TIAM2: variants seen among roughly 807,000 people sequenced by gnomAD.
The protein encoded by TIAM2 is TIAM Rac1 associated GEF 2, also known as rho guanine nucleotide exchange factor TIAM2.
In TIAM2, 80 loss-of-function variants were observed where a neutral mutation model predicts 152.9. The ratio of observed to expected loss-of-function variants is 0.52; its 90% confidence interval spans 0.44 to 0.63. TIAM2 has a LOEUF of 0.63. Ranked by LOEUF, TIAM2 falls within the 30% of genes least tolerant of loss-of-function variation. The pLI is 0.00. For synonymous variants in TIAM2, 804 were observed against 838.0 expected (o/e 0.96, Z 0.70); for missense variants, 1,965 against 2,120.1 (o/e 0.93, Z 1.44).
rs564345326 is a variant in TIAM2 at position 155,017,304 on chromosome 6, A to T, written c.-209+21812A>T. Among the ~76,000 whole-genome samples, 129 of 152,104 alleles carry T rather than the reference A, an allele frequency of 8.5e-4. No individual in the cohort carries two copies. The South Asian group carries it at 0.021, about 25-fold the overall frequency. ...GACGTGATTGTGGAAATGAGTGGGG[A>T]TAAATGGGTTGCAGCTGGTAGAGGG... On this transcript the variant is annotated intron_variant, in intron 1 of 26. Transcript: ENST00000682666.
intron 1 of TIAM2, among the ~76,000 whole-genome samples, chr6:155,041,512 G>C (rs971354871): frequency 6.6e-6 from 1 of 152,100 alleles, no homozygotes; most frequent in African/African-American, 2.4e-5. Flanking sequence ...AGTAAAACAA[G>C]GAAGAATTCT....
chr6:155,021,061 CTT>C (rs1304686121), intron 1 of TIAM2, among the ~76,000 whole-genome samples: 2 of 152,146 alleles, frequency 1.3e-5, no homozygotes, highest in African/African-American at 4.8e-5. Context: ...ATCAGAATGT[CTT>C]TCCCTTTTAA....
chr6:155,157,489 T>C lies in TIAM2; in HGVS notation c.2029-6926T>C, dbSNP rs76041477. 3.2e-3 allele frequency among the ~76,000 whole-genome samples: 491 copies of C among 152,102 alleles called. 20 individuals carry two copies. In the East Asian group the frequency reaches 0.082, roughly 25 times the overall value. On this transcript the variant is annotated intron_variant, in intron 7 of 26. Coordinates refer to ENST00000682666, the MANE Select transcript of TIAM2 (RefSeq NM_012454.4). ...TAGAATTAAAAATTTTTTTAAAAAATAGAGACGAGGTCTCGCTATGTTGCC... is the reference window on the plus strand; with the variant it reads ...TAGAATTAAAAATTTTTTTAAAAAACAGAGACGAGGTCTCGCTATGTTGCC...
chr6:155,188,182 G>T (rs374848656), intron 14 of TIAM2, among the ~76,000 whole-genome samples: 2 of 152,248 alleles, frequency 1.3e-5, no homozygotes, highest in East Asian at 3.9e-4. Flanking sequence ...GTCTTTCCTC[G>T]TGCGCTCAGA....
intron 1 of TIAM2, among the ~76,000 whole-genome samples, chr6:155,036,531 AAAG>A (rs2114899199): frequency 6.6e-6 from 1 of 151,680 alleles, no homozygotes; most frequent in Non-Finnish European, 1.5e-5. Context: ...AAAAAAAAAA[AAAG>A]AGTGTGTTGA....
At chr6:155,148,726 T>C (rs9480067) in intron 7 of TIAM2, among the ~76,000 whole-genome samples, 11,496 of 152,198 alleles carry the variant, frequency 0.076, 572 homozygotes, top group Non-Finnish European at 0.11. Context: ...GAAAACGTGG[T>C]TTGGTGTAAC....
At chr6:155,100,058 A>G (rs1405463990) in intron 2 of TIAM2, among the ~76,000 whole-genome samples, 1 of 152,210 alleles carries the variant, frequency 6.6e-6, no homozygotes, top group African/African-American at 2.4e-5. Context: ...GTCGTCGGCT[A>G]TTACACTGTG....
Position 155,129,630 on chromosome 6 carries a change from A to G in TIAM2, c.407A>G (p.His136Arg), listed in dbSNP as rs754087398. The G allele has an allele frequency of 1.3e-5, 21 of 1,613,946 alleles. No individual in the cohort carries two copies. In the South Asian group the frequency reaches 2.3e-4, roughly 18 times the overall value. Residue 136 changes from histidine (H) to arginine (R), a missense_variant, in exon 4 of 27, where the codon CAC (histidine) becomes CGC (arginine). His to Arg is a conservative substitution (Grantham distance 29). This residue lies in a region of TIAM2 where 1,025 missense variants were observed against 1,119.4 expected (regional missense o/e 0.92). Coordinates refer to ENST00000682666, the MANE Select transcript of TIAM2 (RefSeq NM_012454.4). This position sits in a 1 kb window ranked among gnomAD's most constrained non-coding sequence, Gnocchi z 4.8. ...NHITSRDCNGHLLNCYGRNES... is the reference protein window; with the variant it reads ...NHITSRDCNGRLLNCYGRNES... Reference sequence around the variant, plus strand: ...ATCACCTCCAGAGACTGCAACGGACACCTTCTCAACTGCTACGGGAGGAAT... The same window carrying G: ...ATCACCTCCAGAGACTGCAACGGACGCCTTCTCAACTGCTACGGGAGGAAT...
chr6:155,101,442 GTGA>G (rs1290909363), intron 2 of TIAM2, among the ~76,000 whole-genome samples: 9 of 152,192 alleles, frequency 5.9e-5, no homozygotes, highest in Admixed American at 3.9e-4. Flanking sequence ...ATTTACGTTT[GTGA>G]GGGATTATTT....
intron 1 of TIAM2, among the ~76,000 whole-genome samples, chr6:155,075,577 A>C (rs989352529): frequency 6.6e-6 from 1 of 152,222 alleles, no homozygotes; most frequent in African/African-American, 2.4e-5. Context: ...TCCTTATCTG[A>C]AATGCATGGG....
chr6:155,024,440 A>G (rs1401930672), intron 1 of TIAM2, among the ~76,000 whole-genome samples: 3 of 152,064 alleles, frequency 2.0e-5, no homozygotes, highest in African/African-American at 7.2e-5. Context: ...TGAGAGTGTC[A>G]TAAAAGCTGG....
intron 2 of TIAM2, among the ~76,000 whole-genome samples, chr6:155,098,274 C>T (rs1778464409): frequency 6.6e-6 from 1 of 152,050 alleles, no homozygotes. Context: ...GTAGTATTGC[C>T]ATTTTAACAA....
intron 9 of TIAM2, among the ~76,000 whole-genome samples, chr6:155,169,136 C>T (rs3763203): frequency 6.6e-6 from 1 of 152,178 alleles, no homozygotes; most frequent in African/African-American, 2.4e-5. Context: ...GCTGGGACTA[C>T]AGGCGCCCGC....
Position 155,256,584 on chromosome 6 carries a change from G to A in TIAM2, c.4569G>A (p.Leu1523=). The part of the protein sequence containing the change: ...GTLLDSDEGS[L]SSGTQSSGCP... ...TGCTGGACTCTGACGAGGGCAGCTT[G>A]AGCAGCGGCACCCAGAGCAGCGGCT... is the stretch of plus-strand genomic sequence containing the variant. The change falls in exon 27 of 27, where the codon TTG becomes TTA. Residue 1523 remains leucine (L), a synonymous_variant. Transcript: ENST00000682666. 6.2e-7 allele frequency: 1 copy of A among 1,614,052 alleles called. No homozygotes were observed. Among genetic ancestry groups the A allele is most frequent in the Non-Finnish European group, 8.5e-7 (1 of 1,179,938 alleles).
chr6:155,153,396 CA>C (rs1251536888), intron 7 of TIAM2, among the ~76,000 whole-genome samples: 1 of 151,698 alleles, frequency 6.6e-6, no homozygotes, highest in Non-Finnish European at 1.5e-5. Flanking sequence ...CATTTGAGGC[CA>C]GGAGCTCAAG....
chr6:155,176,721 C>A, intron 9 of TIAM2, 95 bp from the exon 10 acceptor site: 2 of 1,385,032 alleles, frequency 1.4e-6, no homozygotes, highest in Non-Finnish European at 2.0e-6. Context: ...AGCGTTTACT[C>A]TAAATACTCC....
At chr6:155,201,853 G>A (rs1225113990) in intron 14 of TIAM2, among the ~76,000 whole-genome samples, 4 of 152,270 alleles carry the variant, frequency 2.6e-5, no homozygotes, top group Non-Finnish European at 4.4e-5. Flanking sequence ...GTTTATTGCC[G>A]GTGTTAGCTT....
intron 15 of TIAM2, among the ~76,000 whole-genome samples, chr6:155,219,559 G>A (rs1255783939): frequency 6.6e-6 from 1 of 152,216 alleles, no homozygotes; most frequent in African/African-American, 2.4e-5. Flanking sequence ...TGTTTGAAAT[G>A]ACTGTGCTGT....
At chr6:155,087,134 A>G (rs1353922764) in intron 1 of TIAM2, among the ~76,000 whole-genome samples, 3 of 152,214 alleles carry the variant, frequency 2.0e-5, no homozygotes, top group African/African-American at 7.2e-5. Context: ...TTGAGGGGCA[A>G]TTAGGAGTTC....
Sources: allele counts gnomAD v4.1 joint callset (sites outside exome capture counted in the v4.1 genomes callset), GRCh38; gene constraint gnomAD v4.1.1; regional missense constraint gnomAD v4.1.1; non-coding constraint Gnocchi (gnomAD v3.1); transcripts MANE v1.5; gene names NCBI Gene and HGNC (gene_info 2026-07-23, HGNC 2026-07-21).